The following C2CD3 variants were observed in gnomAD, a reference collection of about 807,000 sequenced individuals.
C2CD3 encodes the protein C2 domain containing 3 centriole elongation regulator.
Under a neutral mutation model 234.0 loss-of-function variants are expected in C2CD3, and 148 were observed. That is an observed-to-expected ratio of 0.63 (90% confidence interval 0.55 to 0.72). C2CD3 has a LOEUF of 0.72. Ranked by LOEUF, C2CD3 falls within the 30% of genes least tolerant of loss-of-function variation. C2CD3 has a pLI of 0.00. For missense variants in C2CD3, 2,577 were observed against 2,811.5 expected, an observed-to-expected ratio of 0.92 and a Z score of 1.89; for synonymous variants, 1,000 against 1,035.4, an observed-to-expected ratio of 0.97 and a Z score of 0.66.
intron 5 of C2CD3, among the ~76,000 whole-genome samples, chr11:74,137,524 A>C (rs1160420788): frequency 1.5e-5 from 2 of 133,392 alleles, no homozygotes; most frequent in Non-Finnish European, 3.2e-5. Context: ...AATAGTTTAT[A>C]ATCTTGGAGT....
At chr11:74,054,783 C>T in intron 25 of C2CD3, 112 bp from the exon 26 acceptor site, 1 of 660,104 alleles carries the variant, frequency 1.5e-6, no homozygotes, top group South Asian at 2.1e-5. Flanking sequence ...AACACTATTT[C>T]ATCTTCTTAG....
At chr11:74,071,912 GA>G (rs1954809935) in intron 24 of C2CD3, among the ~76,000 whole-genome samples, 1 of 151,846 alleles carries the variant, frequency 6.6e-6, no homozygotes, top group African/African-American at 2.4e-5. Flanking sequence ...CTGTCTCATT[GA>G]AAATTTGTAA....
intron 24 of C2CD3, chr11:74,070,884 C>T (rs1018314323): frequency 6.6e-5 from 10 of 152,086 alleles, no homozygotes; most frequent in Non-Finnish European, 1.2e-4. Context: ...CATTAGAATG[C>T]CTTTTTCCTC....
intron 1 of C2CD3, among the ~76,000 whole-genome samples, chr11:74,169,747 AG>A (rs1416368182): frequency 4.6e-5 from 7 of 152,202 alleles, no homozygotes; most frequent in Non-Finnish European, 1.0e-4. Flanking sequence ...GTTTTGACAC[AG>A]GGAGCACTAG....
chr11:74,139,889 C>T (rs140715640), intron 3 of C2CD3, 61 bp from the exon 4 acceptor site: 14 of 941,906 alleles, frequency 1.5e-5, no homozygotes, highest in Non-Finnish European at 3.5e-6. Flanking sequence ...AATTTTAAGA[C>T]TCCCCTGCTT....
chr11:74,049,517 G>C lies in C2CD3; in HGVS notation c.5181C>G (p.Ala1727=). ...AGAGAAGTGGGGAGAGGTCCACCGAGGCAAAGCCAATCACCCTCTCCTCAT... is the reference window on the plus strand; with the variant it reads ...AGAGAAGTGGGGAGAGGTCCACCGACGCAAAGCCAATCACCCTCTCCTCAT... ...KGDEERVIGF[A]SVDLSPLLSG... The change falls in exon 27 of 33, where the codon GCC becomes GCG. Residue 1727 remains alanine, a synonymous_variant. Transcript: ENST00000334126. 2 of 1,612,390 alleles carry C rather than the reference G, an allele frequency of 1.2e-6. No individual in the cohort carries two copies. Among genetic ancestry groups the C allele is most frequent in the Non-Finnish European group, 8.5e-7 (1 of 1,179,946 alleles).
At chr11:74,034,844 A>G (rs970538327) in intron 30 of C2CD3, among the ~76,000 whole-genome samples, 3 of 152,250 alleles carry the variant, frequency 2.0e-5, no homozygotes, top group Non-Finnish European at 4.4e-5. Context: ...TTGTGATCAT[A>G]AGCAAACCAT....
intron 29 of C2CD3, 60 bp from the exon 30 acceptor site, chr11:74,037,758 CT>C: frequency 7.7e-7 from 1 of 1,294,768 alleles, no homozygotes; most frequent in Non-Finnish European, 1.1e-6. Flanking sequence ...ATGAACATCT[CT>C]TATGTCCCCT....
At chr11:74,147,940 C>T (rs1385013408) in intron 3 of C2CD3, among the ~76,000 whole-genome samples, 2 of 152,134 alleles carry the variant, frequency 1.3e-5, no homozygotes, top group Non-Finnish European at 2.9e-5. Context: ...TTACCTTTCT[C>T]AATTTATACT....
intron 25 of C2CD3, among the ~76,000 whole-genome samples, chr11:74,056,960 C>G (rs571605242): frequency 4.6e-4 from 68 of 148,066 alleles, no homozygotes; most frequent in Non-Finnish European, 8.0e-4. Context: ...GTCTCGAACT[C>G]CTGGGCTCAA....
intron 32 of C2CD3, among the ~76,000 whole-genome samples, chr11:74,014,493 C>T: frequency 6.6e-6 from 1 of 152,248 alleles, no homozygotes. Flanking sequence ...CACCTACCCC[C>T]TGCAGTTCTG....
intron 7 of C2CD3, among the ~76,000 whole-genome samples, chr11:74,127,361 C>T (rs1957446641): frequency 6.6e-6 from 1 of 152,216 alleles, no homozygotes; most frequent in Non-Finnish European, 1.5e-5. Flanking sequence ...TGTAGCAGTA[C>T]TTCACCTTGA....
intron 5 of C2CD3, among the ~76,000 whole-genome samples, chr11:74,134,141 A>G (rs1957779590): frequency 6.6e-6 from 1 of 152,188 alleles, no homozygotes; most frequent in African/African-American, 2.4e-5. Context: ...AACGTGTATT[A>G]CTCATTTAAT....
At chr11:74,022,436 T>C (rs770359475) in intron 32 of C2CD3, among the ~76,000 whole-genome samples, 18 of 152,154 alleles carry the variant, frequency 1.2e-4, no homozygotes, top group Non-Finnish European at 2.4e-4. Flanking sequence ...ACGTCTAGGA[T>C]GCAGGTGGGT....
chr11:74,033,495 G>A lies in C2CD3; in HGVS notation c.6665C>T (p.Ala2222Val). The change falls in exon 31 of 33, where the codon GCT (alanine) becomes GTT (valine). Residue 2222 changes from alanine (A) to valine (V), a missense_variant. Transcript: ENST00000334126. ...EAATSELGDSADSFKKLPLNL... is the reference protein window; with the variant it reads ...EAATSELGDSVDSFKKLPLNL... ...TAGCGGCAACTTCTTGAAGCTATCAGCAGAGTCACCGAGCTCACTGGTGGC... is the reference window on the plus strand; with the variant it reads ...TAGCGGCAACTTCTTGAAGCTATCAACAGAGTCACCGAGCTCACTGGTGGC... 1 of 1,536,218 alleles carries A rather than the reference G, an allele frequency of 6.5e-7. No homozygotes were observed. Among genetic ancestry groups the A allele is most frequent in the East Asian group, 2.4e-5 (1 of 40,914 alleles).
At chr11:74,152,731 T>C (rs560010970) in intron 3 of C2CD3, among the ~76,000 whole-genome samples, 1 of 152,214 alleles carries the variant, frequency 6.6e-6, no homozygotes, top group South Asian at 2.1e-4. Context: ...TTTTTAGAAA[T>C]GAATCAATAA....
chr11:74,074,454 G>T lies in C2CD3; in HGVS notation c.4750C>A (p.Gln1584Lys), dbSNP rs1164408208. Residue 1584 changes from glutamine (Q) to lysine (K), a missense_variant, in exon 24 of 33, where the codon CAG becomes AAG. Transcript: ENST00000334126. ...MDCSSHSESEQLPRRNDEVQL... is the reference protein window; with the variant it reads ...MDCSSHSESEKLPRRNDEVQL... ...ACCTCATCATTCCTTCTGGGGAGCTGCTCAGACTCACTGTGGCTGCTGCAG... is the reference window on the plus strand; with the variant it reads ...ACCTCATCATTCCTTCTGGGGAGCTTCTCAGACTCACTGTGGCTGCTGCAG... 1.9e-6 allele frequency: 3 copies of T among 1,614,048 alleles called. No individual in the cohort carries two copies. In the African/African-American group the frequency reaches 4.0e-5, roughly 22 times the overall value.
At chr11:74,090,985 T>A in intron 19 of C2CD3, 49 bp from the exon 20 acceptor site, 1 of 1,602,832 alleles carries the variant, frequency 6.2e-7, no homozygotes, top group South Asian at 1.1e-5. Context: ...AGAATCTCTG[T>A]TCCACCAAAC....
chr11:74,139,679 C>T lies in C2CD3; in HGVS notation c.633G>A (p.Arg211=). ...TTTTGATGGTATGTATGTCGCGAGG[C>T]CTTGATGGAACCTGAAACTGGGTAC... ...PSSTQFQVPS[R]PRDIHTIKID... is the part of the protein sequence containing the mutation. Residue 211 remains arginine (R), a synonymous_variant, in exon 4 of 33, where the codon AGG becomes AGA. Coordinates refer to ENST00000334126, the MANE Select transcript of C2CD3 (RefSeq NM_001286577.2). 1 of 1,613,916 alleles carries T rather than the reference C, an allele frequency of 6.2e-7. No individual in the cohort carries two copies. Among genetic ancestry groups the T allele is most frequent in the African/African-American group, 1.3e-5 (1 of 74,982 alleles).
Sources: allele counts gnomAD v4.1 joint callset (sites outside exome capture counted in the v4.1 genomes callset), GRCh38; gene constraint gnomAD v4.1.1; transcripts MANE v1.5; gene names NCBI Gene and HGNC (gene_info 2026-07-23, HGNC 2026-07-21).